The following ITPR2 variants were observed in gnomAD, a reference collection of about 807,000 sequenced individuals.
ITPR2 encodes inositol 1,4,5-trisphosphate-gated calcium channel ITPR2.
In ITPR2, 207 loss-of-function variants were observed where a neutral mutation model predicts 317.1. That is an observed-to-expected ratio of 0.65 (90% CI 0.58 to 0.73). The LOEUF is 0.73. Ranked by LOEUF, ITPR2 falls within the 30% of genes least tolerant of loss-of-function variation. The pLI is 0.00. For synonymous variants in ITPR2, 1,156 were observed against 1,149.1 expected (o/e 1.01, Z -0.12); for missense variants, 2,613 against 3,284.0 (o/e 0.80, Z 4.99).
chr12:26,365,925 T>C (rs1193667147), intron 55 of ITPR2, among the ~76,000 whole-genome samples: 1 of 152,188 alleles, frequency 6.6e-6, no homozygotes, highest in Non-Finnish European at 1.5e-5. Context: ...AAATTTACCA[T>C]GAAAACTATA....
chr12:26,415,296 G>A lies in ITPR2; in HGVS notation c.7306+7C>T. 2 of 1,587,106 alleles carry A rather than the reference G, an allele frequency of 1.3e-6. No homozygotes were observed. Among genetic ancestry groups the A allele is most frequent in the African/African-American group, 1.4e-5 (1 of 73,596 alleles). ...AGAGAAACCTCATTTAGTGGTAATA[G>A]CAATACCTGTAACAGGAGTTCGGTT... On this transcript the variant is annotated splice_region_variant and intron_variant, in intron 51 of 56. Transcript: ENST00000381340.
At chr12:26,824,219 T>C (rs1214757136) in intron 1 of ITPR2, among the ~76,000 whole-genome samples, 1 of 152,236 alleles carries the variant, frequency 6.6e-6, no homozygotes, top group Non-Finnish European at 1.5e-5. Context: ...ATTTATTGAA[T>C]ACTATACTGA....
At chr12:26,481,875 G>A (rs1591818991) in intron 42 of ITPR2, among the ~76,000 whole-genome samples, 1 of 152,216 alleles carries the variant, frequency 6.6e-6, no homozygotes, top group East Asian at 1.9e-4. Flanking sequence ...AATCTTGATT[G>A]GGGAAAATTT....
chr12:26,449,651 T>A (rs1316509659), intron 45 of ITPR2, among the ~76,000 whole-genome samples: 1 of 152,064 alleles, frequency 6.6e-6, no homozygotes, highest in Non-Finnish European at 1.5e-5. Flanking sequence ...TTTTAAAGAA[T>A]GGATGAAATG....
At chr12:26,752,583 G>A (rs534982637) in intron 2 of ITPR2, among the ~76,000 whole-genome samples, 36 of 152,282 alleles carry the variant, frequency 2.4e-4, no homozygotes, top group Non-Finnish European at 4.7e-4. Context: ...TAATCCACTC[G>A]TTGTTTAGCA....
rs1173998553 is a variant in ITPR2, at chr12:26,580,027, C to T, written c.4509G>A (p.Gln1503=). The T allele has an allele frequency of 6.2e-7, 1 of 1,607,850 alleles. No individual in the cohort carries two copies. The change falls in exon 33 of 57, where the codon CAG becomes CAA. Residue 1503 remains glutamine (Q), a splice_region_variant and synonymous_variant. Transcript: ENST00000381340. ...SPFSDNSTSL[Q]THQPVFIQLL... ...AATGCTTTGCAATTGTTTAACTTAC[C>T]TGGAGGCTGGTACTATTGTCTGAAA...
intron 55 of ITPR2, among the ~76,000 whole-genome samples, chr12:26,384,114 G>A (rs551716742): frequency 6.6e-6 from 1 of 152,320 alleles, no homozygotes; most frequent in South Asian, 2.1e-4. Flanking sequence ...AGTTTGAAGA[G>A]TAGCTACCTC....
intron 1 of ITPR2, among the ~76,000 whole-genome samples, chr12:26,796,262 A>G (rs1039865853): frequency 1.3e-5 from 2 of 152,236 alleles, no homozygotes; most frequent in Non-Finnish European, 1.5e-5. Flanking sequence ...AGGAATGTCT[A>G]TGAATCAATA....
intron 35 of ITPR2, among the ~76,000 whole-genome samples, chr12:26,561,374 T>C (rs1944813813): frequency 6.6e-6 from 1 of 152,226 alleles, no homozygotes; most frequent in Non-Finnish European, 1.5e-5. Context: ...AGTGAGATAC[T>C]ATACAAGTAA....
chr12:26,696,616 A>C (rs1948356373), intron 9 of ITPR2, among the ~76,000 whole-genome samples: 1 of 152,186 alleles, frequency 6.6e-6, no homozygotes, highest in Non-Finnish European at 1.5e-5. Flanking sequence ...GGCTGAAAAA[A>C]CAACATAAAT....
At chr12:26,465,538 G>A (rs1015332193) in intron 45 of ITPR2, among the ~76,000 whole-genome samples, 2 of 152,094 alleles carry the variant, frequency 1.3e-5, no homozygotes, top group Non-Finnish European at 2.9e-5. Context: ...TTGCATGCAC[G>A]AATGCTGAGC....
chr12:26,416,478 G>C (rs1489724283), intron 50 of ITPR2, among the ~76,000 whole-genome samples: 1 of 152,088 alleles, frequency 6.6e-6, no homozygotes, highest in Non-Finnish European at 1.5e-5. Context: ...TTCTGAACTG[G>C]CTGAAATGAT....
chr12:26,657,845 G>A lies in ITPR2; in HGVS notation c.2054C>T (p.Ser685Leu), dbSNP rs1947407551. The A allele has an allele frequency of 3.7e-6, 6 of 1,614,124 alleles. No individual in the cohort carries two copies. The highest frequency in any genetic ancestry group is 5.1e-6 in the Non-Finnish European group (6 of 1,180,000). ...ADNPMESSIL[S>L]DDIDDEEVWL... The stretch of plus-strand genomic sequence containing the variant: ...AACTTCTTCATCATCAATGTCATCT[G>A]AAAGGATGGAGCTCTCCATGGGGTT... The change falls in exon 18 of 57, where the codon TCA (serine) becomes TTA (leucine). Residue 685 changes from serine (S) to leucine (L), a missense_variant. Around this residue, in one of 9 missense-constraint regions of ITPR2, gnomAD observed 817 missense variants for 897.6 expected, o/e 0.91. Coordinates refer to ENST00000381340, the MANE Select transcript of ITPR2 (RefSeq NM_002223.4).
At chr12:26,393,772 C>T (rs1939915836) in intron 54 of ITPR2, among the ~76,000 whole-genome samples, 1 of 152,328 alleles carries the variant, frequency 6.6e-6, no homozygotes, top group East Asian at 1.9e-4. Context: ...TGTCACCCTA[C>T]ATTCCTGTGG....
intron 2 of ITPR2, among the ~76,000 whole-genome samples, chr12:26,732,966 T>C (rs1482869920): frequency 2.0e-5 from 3 of 152,220 alleles, no homozygotes; most frequent in East Asian, 1.9e-4. Context: ...ATAATAGATG[T>C]GATTTTAGTC....
At chr12:26,385,198 T>C (rs1422272446) in intron 55 of ITPR2, among the ~76,000 whole-genome samples, 2 of 152,194 alleles carry the variant, frequency 1.3e-5, no homozygotes, top group Non-Finnish European at 2.9e-5. Flanking sequence ...TTGATACTCC[T>C]GGCTCCAAGG....
chr12:26,391,740 T>C (rs918193345), intron 54 of ITPR2, among the ~76,000 whole-genome samples: 1 of 151,928 alleles, frequency 6.6e-6, no homozygotes, highest in Admixed American at 6.6e-5. Context: ...AATTTTTGTA[T>C]TTTTAGTAGA....
At chr12:26,646,351 CCT>C (rs1187728482) in intron 21 of ITPR2, among the ~76,000 whole-genome samples, 2 of 151,976 alleles carry the variant, frequency 1.3e-5, no homozygotes, top group Non-Finnish European at 2.9e-5. Context: ...CTGCCCCGCC[CCT>C]CTCATCTCAA....
chr12:26,563,349 A>C (rs1591903695), intron 34 of ITPR2, among the ~76,000 whole-genome samples: 1 of 152,188 alleles, frequency 6.6e-6, no homozygotes, highest in Non-Finnish European at 1.5e-5. Context: ...AGGCAGGCGG[A>C]TCACAAGGTC....
Sources: gnomAD v4.1 joint callset for allele counts (sites outside exome capture counted in the v4.1 genomes callset) on GRCh38, gnomAD v4.1.1 for gene constraint, gnomAD v4.1.1 regional missense constraint, MANE v1.5 for transcripts, NCBI Gene and HGNC (gene_info 2026-07-23, HGNC 2026-07-21) for gene names.